The following EBF1 variants were observed in gnomAD, a reference collection of about 807,000 sequenced individuals.
The protein encoded by EBF1 is transcription factor COE1.
Under a neutral mutation model 68.4 loss-of-function variants are expected in EBF1, and 10 were observed. The ratio of observed to expected loss-of-function variants is 0.15; its 90% CI spans 0.09 to 0.25. EBF1 has a LOEUF of 0.25. Among genes scored for constraint, EBF1 ranks in the 10% least tolerant of loss-of-function variants. The pLI is 1.00. For missense variants in EBF1, 509 were observed against 794.4 expected (o/e 0.64, Z 4.32); for synonymous variants, 298 against 299.8 (o/e 0.99, Z 0.06).
chr5:159,055,635 T>C (rs1184780950), intron 6 of EBF1, among the ~76,000 whole-genome samples: 1 of 152,238 alleles, frequency 6.6e-6, no homozygotes, highest in Non-Finnish European at 1.5e-5. Flanking sequence ...ATTAGCATAG[T>C]AGGGAATTAA....
intron 6 of EBF1, among the ~76,000 whole-genome samples, chr5:158,861,206 A>C (rs957217182): frequency 6.6e-6 from 1 of 152,198 alleles, no homozygotes; most frequent in Non-Finnish European, 1.5e-5. Context: ...GCTAAAAAAA[A>C]ATAAAGGAAC....
At chr5:158,752,896 A>C (rs1769235336) in intron 10 of EBF1, among the ~76,000 whole-genome samples, 1 of 152,040 alleles carries the variant, frequency 6.6e-6, no homozygotes, top group South Asian at 2.1e-4. Context: ...CATAAATTTT[A>C]ATTTTGGAAA....
At chr5:158,822,061 T>C (rs1429721179) in intron 8 of EBF1, among the ~76,000 whole-genome samples, 1 of 152,168 alleles carries the variant, frequency 6.6e-6, no homozygotes, top group Non-Finnish European at 1.5e-5. Flanking sequence ...TTGTAAATTA[T>C]GGGCAACTCC....
chr5:158,831,138 A>C (rs1286834227), intron 7 of EBF1, among the ~76,000 whole-genome samples: 10 of 152,162 alleles, frequency 6.6e-5, no homozygotes. Flanking sequence ...ATTGGTGTTT[A>C]GCTGGTGCTC....
chr5:158,881,575 C>T (rs1798913176), intron 6 of EBF1, among the ~76,000 whole-genome samples: 1 of 152,200 alleles, frequency 6.6e-6, no homozygotes, highest in African/African-American at 2.4e-5. Context: ...GTGCTGCGGG[C>T]TGTCTGAAGC....
intron 10 of EBF1, among the ~76,000 whole-genome samples, chr5:158,761,375 C>T (rs140482283): frequency 1.2e-4 from 18 of 152,308 alleles, no homozygotes; most frequent in Non-Finnish European, 1.5e-4. Context: ...CTACACTCAA[C>T]GAAAGAGATC....
Position 158,713,152 on chromosome 5 carries a change from A to G in EBF1, c.1192-5T>C, listed in dbSNP as rs748315881. On this transcript the variant is annotated splice_polypyrimidine_tract_variant and splice_region_variant and intron_variant, in intron 12 of 15. Coordinates refer to ENST00000313708, the MANE Select transcript of EBF1 (RefSeq NM_024007.5). Reference sequence around the variant, plus strand: ...CGCTCTCTTCAGAATGATTTCCTGAAAAGTCAAAGGAATATCCCCTTCAGC... The same window carrying G: ...CGCTCTCTTCAGAATGATTTCCTGAGAAGTCAAAGGAATATCCCCTTCAGC... 2.0e-6 allele frequency: 3 copies of G among 1,465,124 alleles called. No individual in the cohort carries two copies. Among genetic ancestry groups the G allele is most frequent in the Non-Finnish European group, 2.7e-6 (3 of 1,098,512 alleles). 90.8% of individuals were successfully genotyped at this position (1,465,124 alleles called of 1,614,324 possible). A position where few individuals can be genotyped will look rare whatever the true frequency, so the allele number is the denominator to read the frequency against.
intron 6 of EBF1, among the ~76,000 whole-genome samples, chr5:159,062,216 A>G (rs1305420279): frequency 1.3e-5 from 2 of 152,212 alleles, no homozygotes; most frequent in Non-Finnish European, 2.9e-5. Context: ...GAGTAGACAC[A>G]GGAGCCCCCT....
chr5:158,755,789 G>C (rs1018279846), intron 10 of EBF1, among the ~76,000 whole-genome samples: 1 of 152,088 alleles, frequency 6.6e-6, no homozygotes, highest in Non-Finnish European at 1.5e-5. Context: ...GATTTGGGGA[G>C]AACCTCTATG....
intron 8 of EBF1, among the ~76,000 whole-genome samples, chr5:158,820,575 T>C (rs775212813): frequency 1.3e-5 from 2 of 152,220 alleles, no homozygotes; most frequent in Non-Finnish European, 2.9e-5. Flanking sequence ...TTTGAACATG[T>C]CTACCCTTTC....
At chr5:158,760,704 G>T (rs560236999) in intron 10 of EBF1, among the ~76,000 whole-genome samples, 2 of 152,060 alleles carry the variant, frequency 1.3e-5, no homozygotes, top group Admixed American at 6.6e-5. Flanking sequence ...ATCTTATACC[G>T]TAAAGGACTG....
At chr5:158,988,796 T>C (rs1415910233) in intron 6 of EBF1, among the ~76,000 whole-genome samples, 1 of 152,228 alleles carries the variant, frequency 6.6e-6, no homozygotes, top group Non-Finnish European at 1.5e-5. Context: ...TCAAATATTT[T>C]GCTCCTTTTC....
At chr5:158,744,050 A>G (rs1273371927) in intron 10 of EBF1, among the ~76,000 whole-genome samples, 1 of 152,060 alleles carries the variant, frequency 6.6e-6, no homozygotes, top group Non-Finnish European at 1.5e-5. Context: ...GCATACTTGT[A>G]GTCCCAGCTA....
chr5:158,702,892 T>G (rs1403962801), intron 15 of EBF1, among the ~76,000 whole-genome samples: 1 of 151,554 alleles, frequency 6.6e-6, no homozygotes, highest in African/African-American at 2.4e-5. Context: ...CTGCATGATA[T>G]CTAGGGTTGA....
intron 6 of EBF1, among the ~76,000 whole-genome samples, chr5:158,852,923 TTTCA>T (rs1793254578): frequency 6.6e-6 from 1 of 152,178 alleles, no homozygotes; most frequent in Non-Finnish European, 1.5e-5. Context: ...TGAAAAAAGC[TTTCA>T]TTTTATCACA....
chr5:159,096,419 A>G lies in EBF1; in HGVS notation c.292-13T>C. The G allele has an allele frequency of 1.2e-6, 2 of 1,612,290 alleles. No homozygotes were observed. The highest frequency in any genetic ancestry group is 1.7e-6 in the Non-Finnish European group (2 of 1,179,144). On this transcript the variant is annotated splice_polypyrimidine_tract_variant and intron_variant, in intron 2 of 15. Transcript: ENST00000313708. Reference sequence around the variant, plus strand: ...CGCTGTTGGCTTCCTGGGTTGCATCAGGACGCAAAGACACAAGAGATGCAG... The same window carrying G: ...CGCTGTTGGCTTCCTGGGTTGCATCGGGACGCAAAGACACAAGAGATGCAG...
At chr5:158,921,477 G>A (rs1808424927) in intron 6 of EBF1, among the ~76,000 whole-genome samples, 1 of 152,192 alleles carries the variant, frequency 6.6e-6, no homozygotes, top group Admixed American at 6.5e-5. Context: ...TTGGCATTTG[G>A]AGACAATGGC....
intron 6 of EBF1, among the ~76,000 whole-genome samples, chr5:158,921,937 T>C (rs1003159473): frequency 1.3e-5 from 2 of 152,190 alleles, no homozygotes; most frequent in Non-Finnish European, 2.9e-5. Flanking sequence ...CAAAAGATGA[T>C]TCCCTTTTGC....
At chr5:158,810,569 G>C (rs1353985178) in intron 8 of EBF1, among the ~76,000 whole-genome samples, 1 of 152,132 alleles carries the variant, frequency 6.6e-6, no homozygotes, top group Non-Finnish European at 1.5e-5. Flanking sequence ...TGGGTCCCCT[G>C]CTGCATTTCT....
Sources: allele counts gnomAD v4.1 joint callset (sites outside exome capture counted in the v4.1 genomes callset), GRCh38; gene constraint gnomAD v4.1.1; transcripts MANE v1.5; gene names NCBI Gene and HGNC (gene_info 2026-07-23, HGNC 2026-07-21).